NKAIN3: variants seen among roughly 807,000 people sequenced by gnomAD.
NKAIN3 encodes sodium/potassium transporting ATPase interacting 3.
Under a neutral mutation model 30.2 loss-of-function variants are expected in NKAIN3, and 25 were observed. The observed-to-expected ratio is 0.83, with a 90% CI of 0.60 to 1.16. NKAIN3 has a LOEUF of 1.16. NKAIN3 is among the 50% of genes most tolerant of loss of function. The pLI is 0.00. For synonymous variants in NKAIN3, 91 were observed against 89.6 expected, an observed-to-expected ratio of 1.02 and a Z score of -0.09; for missense variants, 225 against 254.1, an observed-to-expected ratio of 0.89 and a Z score of 0.78.
chr8:62,793,981 G>A (rs547132483), intron 4 of NKAIN3, among the ~76,000 whole-genome samples: 3 of 152,098 alleles, frequency 2.0e-5, no homozygotes, highest in Non-Finnish European at 4.4e-5. Context: ...ATAAACAATT[G>A]TTGACAGTCA....
At chr8:62,499,567 G>A (rs573548913) in intron 1 of NKAIN3, among the ~76,000 whole-genome samples, 15 of 152,240 alleles carry the variant, frequency 9.9e-5, no homozygotes, top group Admixed American at 3.3e-4. Context: ...TATGTTTCAT[G>A]TGGCACCATG....
chr8:62,908,490 T>A (rs557113918), intron 4 of NKAIN3, among the ~76,000 whole-genome samples: 2 of 145,754 alleles, frequency 1.4e-5, no homozygotes, highest in African/African-American at 2.6e-5. Flanking sequence ...CCCACCCAAA[T>A]CTCATCTTGA....
rs1306189830 is a variant in NKAIN3 at position 62,345,300 on chromosome 8, T to C, written c.54+96173T>C. Among the ~76,000 whole-genome samples, 8 of 133,846 alleles carry C rather than the reference T, an allele frequency of 6.0e-5. No homozygotes were observed. In the East Asian group the frequency reaches 1.5e-3, roughly 25 times the overall value. 87.8% of individuals were successfully genotyped at this position (133,846 alleles called of 152,430 possible). On this transcript the variant is annotated intron_variant, in intron 1 of 6. Coordinates refer to ENST00000623646, the MANE Select transcript of NKAIN3 (RefSeq NM_001304533.3). The stretch of plus-strand genomic sequence containing the variant: ...ATATACACGCACATATACACACATA[T>C]ATATGTATATATACACACATATATA...
intron 1 of NKAIN3, among the ~76,000 whole-genome samples, chr8:62,510,021 G>T (rs965881285): frequency 6.6e-6 from 1 of 152,102 alleles, no homozygotes; most frequent in African/African-American, 2.4e-5. Context: ...GAGAAGTGAG[G>T]AGTAATTCCT....
rs559509721 is a variant in NKAIN3, at chr8:62,333,136, C to T, written c.54+84009C>T. ...GTACAGAAATGTGTAATTTCTCTAT[C>T]AACTTTTCCCTTAAGAAATTAATTT... is the stretch of plus-strand genomic sequence containing the variant. On this transcript the variant is annotated intron_variant, in intron 1 of 6. Transcript: ENST00000623646. 8.1e-4 allele frequency among the ~76,000 whole-genome samples: 124 copies of T among 152,198 alleles called. 1 individual carries two copies. In the South Asian group the frequency reaches 0.024, roughly 29 times the overall value.
intron 3 of NKAIN3, among the ~76,000 whole-genome samples, chr8:62,714,719 A>C (rs1356463760): frequency 1.3e-5 from 2 of 152,216 alleles, no homozygotes; most frequent in Non-Finnish European, 2.9e-5. Context: ...ACAAGTATGA[A>C]ATAGGTGCAA....
intron 1 of NKAIN3, among the ~76,000 whole-genome samples, chr8:62,431,488 G>A (rs1158230362): frequency 6.6e-6 from 1 of 151,792 alleles, no homozygotes; most frequent in Non-Finnish European, 1.5e-5. Flanking sequence ...TAAGGTATAT[G>A]ACCGATAGTA....
chr8:62,916,638 T>G (rs1027081027), intron 4 of NKAIN3, among the ~76,000 whole-genome samples: 1 of 152,170 alleles, frequency 6.6e-6, no homozygotes, highest in African/African-American at 2.4e-5. Flanking sequence ...TCCAGGTTAC[T>G]GCAAATTCTC....
intron 4 of NKAIN3, among the ~76,000 whole-genome samples, chr8:62,882,809 C>T (rs1368732525): frequency 3.9e-5 from 6 of 152,058 alleles, no homozygotes; most frequent in African/African-American, 1.4e-4. Flanking sequence ...TGAAGACTAT[C>T]TTTGCTCCAT....
chr8:62,403,352 G>A (rs1256372616), intron 1 of NKAIN3, among the ~76,000 whole-genome samples: 2 of 152,186 alleles, frequency 1.3e-5, no homozygotes, highest in African/African-American at 4.8e-5. Flanking sequence ...GGAGCCAAAC[G>A]TTAATAGCCA....
At chr8:62,947,522 C>T (rs1209887983) in intron 5 of NKAIN3, among the ~76,000 whole-genome samples, 1 of 152,196 alleles carries the variant, frequency 6.6e-6, no homozygotes, top group Non-Finnish European at 1.5e-5. Context: ...ATGGTCACAA[C>T]AGTATTTCCT....
At chr8:62,750,591 C>A (rs879743155) in intron 4 of NKAIN3, among the ~76,000 whole-genome samples, 3 of 152,000 alleles carry the variant, frequency 2.0e-5, no homozygotes, top group Admixed American at 1.3e-4. Flanking sequence ...CCCTGGGAGG[C>A]GGCGGGGGGT....
At chr8:62,249,236 A>G (rs749252619) in intron 1 of NKAIN3, 109 bp downstream of exon 1, 1 of 924,274 alleles carries the variant, frequency 1.1e-6, no homozygotes, top group East Asian at 3.2e-5. Flanking sequence ...ACGGGTGAAC[A>G]GGGCGCTCCG....
intron 4 of NKAIN3, among the ~76,000 whole-genome samples, chr8:62,805,706 A>G (rs1164150033): frequency 6.6e-6 from 1 of 152,216 alleles, no homozygotes; most frequent in Admixed American, 6.5e-5. Flanking sequence ...TCCCTAGAAG[A>G]AAACCTAGGC....
intron 1 of NKAIN3, among the ~76,000 whole-genome samples, chr8:62,567,623 G>T (rs1427991449): frequency 6.6e-6 from 1 of 152,052 alleles, no homozygotes; most frequent in Non-Finnish European, 1.5e-5. Flanking sequence ...GTAGCATGAG[G>T]ACTCAGCCCA....
intron 4 of NKAIN3, among the ~76,000 whole-genome samples, chr8:62,801,227 A>T (rs1211917471): frequency 1.3e-5 from 2 of 152,218 alleles, no homozygotes; most frequent in East Asian, 3.9e-4. Flanking sequence ...ACCTCTGCAG[A>T]CTTACATGTC....
intron 4 of NKAIN3, among the ~76,000 whole-genome samples, chr8:62,866,913 G>A (rs536819163): frequency 2.4e-5 from 3 of 126,556 alleles, no homozygotes; most frequent in African/African-American, 9.7e-5. Context: ...AAATTGGCCG[G>A]GCTTGGTGGC....
chr8:62,909,807 T>G (rs1230101261), intron 4 of NKAIN3, among the ~76,000 whole-genome samples: 2 of 152,204 alleles, frequency 1.3e-5, no homozygotes, highest in African/African-American at 4.8e-5. Flanking sequence ...AGATTATGGT[T>G]GGCAAATTCT....
At chr8:62,757,282 C>T (rs115323058) in intron 4 of NKAIN3, among the ~76,000 whole-genome samples, 1,916 of 152,186 alleles carry the variant, frequency 0.013, 41 homozygotes, top group African/African-American at 0.045. Flanking sequence ...TTCATAATAA[C>T]GAGAGTTCAT....
Sources: gnomAD v4.1 joint callset for allele counts (sites outside exome capture counted in the v4.1 genomes callset) on GRCh38, gnomAD v4.1.1 for gene constraint, MANE v1.5 for transcripts, NCBI Gene and HGNC (gene_info 2026-07-23, HGNC 2026-07-21) for gene names.